UQCC1: variants seen among roughly 807,000 people sequenced by gnomAD.
UQCC1 encodes the protein ubiquinol-cytochrome c reductase complex assembly factor 1.
Under a neutral mutation model 48.0 loss-of-function variants are expected in UQCC1, and 38 were observed. That is an observed-to-expected ratio of 0.79 (90% CI 0.61 to 1.04). UQCC1 has a LOEUF of 1.04. UQCC1 is among the 50% of genes least tolerant of loss of function. The probability of loss-of-function intolerance (pLI) is 0.00; values close to 1 mark genes in which losing one functional copy is unlikely to be tolerated. For missense variants in UQCC1, 368 were observed against 381.8 expected (o/e 0.96, Z 0.30); for synonymous variants, 111 against 129.2 (o/e 0.86, Z 0.95).
intron 1 of UQCC1, among the ~76,000 whole-genome samples, chr20:35,410,788 C>T (rs1285578363): frequency 1.6e-5 from 2 of 121,638 alleles, no homozygotes; most frequent in East Asian, 5.7e-4. Context: ...CCACTAAATT[C>T]AGAACATTCT....
At chr20:35,329,902 T>C (rs1301609613) in intron 7 of UQCC1, among the ~76,000 whole-genome samples, 1 of 152,232 alleles carries the variant, frequency 6.6e-6, no homozygotes, top group African/African-American at 2.4e-5. Flanking sequence ...CTGGTTAAAA[T>C]GCAAGAGTTA....
chr20:35,387,114 C>T (rs1487772495), intron 2 of UQCC1, among the ~76,000 whole-genome samples: 4 of 151,382 alleles, frequency 2.6e-5, no homozygotes, highest in Non-Finnish European at 5.9e-5. Flanking sequence ...CCATCTCTAC[C>T]CCCCTCCAAA....
At chr20:35,379,277 T>G (rs1334017704) in intron 4 of UQCC1, among the ~76,000 whole-genome samples, 1 of 152,200 alleles carries the variant, frequency 6.6e-6, no homozygotes, top group Non-Finnish European at 1.5e-5. Flanking sequence ...AGAGAAAAGA[T>G]AGCTGATACT....
chr20:35,353,538 C>A (rs2061514418), intron 6 of UQCC1, among the ~76,000 whole-genome samples: 1 of 150,826 alleles, frequency 6.6e-6, no homozygotes, highest in South Asian at 2.1e-4. Flanking sequence ...CACCTGTAAT[C>A]CCAGCACTTT....
At position 35,306,065 on chromosome 20, in the gene UQCC1, C is replaced by T. The variant is rs929400055; in HGVS notation, c.765+601G>A. 3.3e-5 allele frequency among the ~76,000 whole-genome samples: 5 copies of T among 152,156 alleles called. No homozygotes were observed. The East Asian group carries it at 5.8e-4, about 18-fold the overall frequency. ...CAGGGAGGTCAAGGAATTAATTCCC[C>T]GGGGCTTGAGGACAGCTATGTGGGT... On this transcript the variant is annotated intron_variant, in intron 9 of 9. Transcript: ENST00000374385.
At chr20:35,410,768 A>AC (rs2062349152) in intron 1 of UQCC1, among the ~76,000 whole-genome samples, 3 of 142,190 alleles carry the variant, frequency 2.1e-5, no homozygotes, top group African/African-American at 7.6e-5. Context: ...AAAAAAAAAA[A>AC]AAAAAAAAAC....
At chr20:35,358,356 CAAAAAAAAAAAAAAAA>C (rs1198006186) in intron 6 of UQCC1, among the ~76,000 whole-genome samples, 1 of 49,390 alleles carries the variant, frequency 2.0e-5, no homozygotes, top group African/African-American at 1.0e-4. Context: ...GACTCTGTCT[CAAAAAAAAAAAAAAAA>C]AAAAAAAAGC....
chr20:35,396,969 A>T (rs933290112), intron 1 of UQCC1, among the ~76,000 whole-genome samples: 1 of 152,186 alleles, frequency 6.6e-6, no homozygotes, highest in African/African-American at 2.4e-5. Flanking sequence ...AGCATAATGT[A>T]TAACACAGTC....
chr20:35,364,818 G>C (rs1034055792), intron 6 of UQCC1, among the ~76,000 whole-genome samples: 1 of 152,166 alleles, frequency 6.6e-6, no homozygotes, highest in Non-Finnish European at 1.5e-5. Context: ...TGGTCACAGG[G>C]ATTATATATT....
chr20:35,394,212 A>AAT lies in UQCC1; in HGVS notation c.25-18_25-17dup. ...TCTGGTTCCTCTAAAGAAAGAAAAT[A>AAT]ATAATCTGTCAGGAATCTAAATCAT... On this transcript the variant is annotated splice_polypyrimidine_tract_variant and intron_variant, in intron 1 of 9. Transcript: ENST00000374385. 2 of 1,603,434 alleles carry AAT rather than the reference A, an allele frequency of 1.2e-6. No homozygotes were observed. The highest frequency in any genetic ancestry group is 1.7e-6 in the Non-Finnish European group (2 of 1,170,620).
intron 7 of UQCC1, among the ~76,000 whole-genome samples, chr20:35,317,684 C>T (rs2061077012): frequency 6.6e-6 from 1 of 152,230 alleles, no homozygotes; most frequent in African/African-American, 2.4e-5. Context: ...TCTGATTAAT[C>T]TCGGCACCCC....
intron 2 of UQCC1, 92 bp downstream of exon 2, chr20:35,394,000 T>C (rs1203444742): frequency 2.0e-5 from 25 of 1,248,364 alleles, no homozygotes; most frequent in Non-Finnish European, 2.4e-5. Context: ...GGTTTTTCCA[T>C]CACACAATTT....
chr20:35,360,858 A>G (rs1296572189), intron 6 of UQCC1, among the ~76,000 whole-genome samples: 4 of 152,284 alleles, frequency 2.6e-5, no homozygotes, highest in South Asian at 2.1e-4. Flanking sequence ...GTTCATACTC[A>G]GGGGAAGAGA....
At chr20:35,385,345 C>T (rs1157068061) in intron 2 of UQCC1, among the ~76,000 whole-genome samples, 1 of 152,158 alleles carries the variant, frequency 6.6e-6, no homozygotes, top group African/African-American at 2.4e-5. Flanking sequence ...CATTTAAAAA[C>T]AATTTGGCAA....
intron 7 of UQCC1, among the ~76,000 whole-genome samples, chr20:35,333,190 G>C (rs1338938852): frequency 1.3e-5 from 2 of 152,072 alleles, no homozygotes; most frequent in African/African-American, 4.8e-5. Context: ...CCACAGCCAA[G>C]TCCTTTAAGT....
chr20:35,404,356 C>T (rs1471792014), intron 1 of UQCC1, among the ~76,000 whole-genome samples: 33 of 133,586 alleles, frequency 2.5e-4, no homozygotes, highest in Non-Finnish European at 4.8e-4. Flanking sequence ...GGTGACAGAG[C>T]GAGACTCCGT....
At chr20:35,378,468 A>G (rs2061828703) in intron 4 of UQCC1, among the ~76,000 whole-genome samples, 1 of 152,018 alleles carries the variant, frequency 6.6e-6, no homozygotes, top group African/African-American at 2.4e-5. Context: ...CATCTCTACT[A>G]AAAATACAAA....
intron 6 of UQCC1, among the ~76,000 whole-genome samples, chr20:35,349,861 G>A (rs1427814098): frequency 2.6e-5 from 4 of 152,120 alleles, no homozygotes; most frequent in African/African-American, 4.8e-5. Flanking sequence ...GTCAGGTGCC[G>A]TGGTGCATGC....
At chr20:35,409,169 T>C (rs2062301109) in intron 1 of UQCC1, among the ~76,000 whole-genome samples, 1 of 152,110 alleles carries the variant, frequency 6.6e-6, no homozygotes, top group South Asian at 2.1e-4. Flanking sequence ...AACTGTACAC[T>C]TAAAAAGTTT....
Sources: gnomAD v4.1 joint callset for allele counts (sites outside exome capture counted in the v4.1 genomes callset) on GRCh38, gnomAD v4.1.1 for gene constraint, MANE v1.5 for transcripts, NCBI Gene and HGNC (gene_info 2026-07-23, HGNC 2026-07-21) for gene names.